EWSR1: variants seen among roughly 807,000 people sequenced by gnomAD.
The protein encoded by EWSR1 is EWS RNA binding protein 1.
In EWSR1, 14 loss-of-function variants were observed where a neutral mutation model predicts 92.1. The ratio of observed to expected loss-of-function variants is 0.15; its 90% confidence interval spans 0.10 to 0.24. EWSR1 has a LOEUF of 0.24. EWSR1 is among the 10% of genes least tolerant of loss of function. EWSR1 has a pLI of 1.00. For missense variants in EWSR1, 637 were observed against 870.9 expected, an observed-to-expected ratio of 0.73 and a Z score of 3.38; for synonymous variants, 303 against 292.9, an observed-to-expected ratio of 1.03 and a Z score of -0.35.
At chr22:29,284,270 G>A (rs1262082251) in intron 6 of EWSR1, among the ~76,000 whole-genome samples, 1 of 151,476 alleles carries the variant, frequency 6.6e-6, no homozygotes, top group African/African-American at 2.5e-5. Context: ...GAGCCACCAT[G>A]CCCAGCCTGC....
intron 5 of EWSR1, 55 bp from the exon 6 acceptor site, chr22:29,282,335 A>T: frequency 7.0e-7 from 1 of 1,438,572 alleles, no homozygotes; most frequent in Admixed American, 2.7e-5. Flanking sequence ...TTTGTGGTTG[A>T]CCAACCACAC....
intron 8 of EWSR1, chr22:29,289,663 T>A (rs543330835): frequency 1.2e-3 from 280 of 232,664 alleles, no homozygotes; most frequent in African/African-American, 5.6e-3. Context: ...TGTTAGATAT[T>A]TACATTTGAT....
intron 1 of EWSR1, among the ~76,000 whole-genome samples, chr22:29,268,824 A>G (rs1027002148): frequency 1.3e-5 from 2 of 152,184 alleles, no homozygotes; most frequent in Admixed American, 6.5e-5. Flanking sequence ...AAATAAAGAT[A>G]CCGTGGATTT....
intron 8 of EWSR1, chr22:29,289,701 T>G: frequency 4.3e-6 from 1 of 232,592 alleles, no homozygotes; most frequent in East Asian, 6.1e-5. Flanking sequence ...AAGGAAAAAT[T>G]AAATAGCATT....
At chr22:29,297,741 A>G (rs2060978472) in intron 12 of EWSR1, 86 bp from the exon 13 acceptor site, 1 of 1,554,404 alleles carries the variant, frequency 6.4e-7, no homozygotes, top group Non-Finnish European at 8.8e-7. Flanking sequence ...GACCTAATGC[A>G]TCTGGGAGTG....
chr22:29,276,925 A>C (rs1602253573), intron 4 of EWSR1: 2 of 231,770 alleles, frequency 8.6e-6, no homozygotes, highest in East Asian at 1.2e-4. Flanking sequence ...GTGTAAACCA[A>C]ACTTTTTATT....
rs192031911 is a variant in EWSR1, at chr22:29,298,698, A to G, written c.1418-35A>G. On this transcript the variant is annotated intron_variant, in intron 13 of 16. Coordinates refer to ENST00000397938, the MANE Select transcript of EWSR1 (RefSeq NM_005243.4). ...CTATAGCAAATTTGGTGCTACAGAG[A>G]AATGATTTGCTGTTTCTTGTTGTTC... The G allele has an allele frequency of 1.1e-3, 1,700 of 1,611,870 alleles. 8 individuals are homozygous for G. In the Middle Eastern group the frequency reaches 0.012, roughly 11 times the overall value.
rs756570103 is a variant in EWSR1, at chr22:29,298,907, T to C, written c.1580+12T>C. On this transcript the variant is annotated intron_variant, in intron 14 of 16. Coordinates refer to ENST00000397938, the MANE Select transcript of EWSR1 (RefSeq NM_005243.4). ...CAGTGTCCCAATCCGTATGTACTTG[T>C]CTTGGCAAATTGATACCCTACGAGT... is the stretch of plus-strand genomic sequence containing the variant. 1.0e-5 allele frequency: 16 copies of C among 1,531,742 alleles called. No homozygotes were observed. Among genetic ancestry groups the C allele is most frequent in the East Asian group, 4.5e-5 (2 of 44,330 alleles). The allele number at this position is 1,531,742 out of a possible 1,614,324, so 94.9% of individuals were successfully genotyped here.
chr22:29,298,070 C>G (rs887836023), intron 13 of EWSR1, 121 bp downstream of exon 13: 2 of 1,096,706 alleles, frequency 1.8e-6, no homozygotes, highest in Non-Finnish European at 1.3e-6. Context: ...ACTAGACTAT[C>G]GAGAGCTAAC....
At chr22:29,296,110 C>T (rs756341254) in intron 11 of EWSR1, 129 bp from the exon 12 acceptor site, 48 of 920,444 alleles carry the variant, frequency 5.2e-5, no homozygotes, top group Non-Finnish European at 6.8e-5. Flanking sequence ...AACTTAAAAG[C>T]GGAGAAACGG....
At chr22:29,280,862 G>GTTTTTTTTTTTTTTT (rs71196650) in intron 5 of EWSR1, among the ~76,000 whole-genome samples, 1 of 62,902 alleles carries the variant, frequency 1.6e-5, no homozygotes, top group Non-Finnish European at 3.1e-5. Flanking sequence ...TGTGTGTGTT[G>GTTTTTTTTTTTTTTT]TTTTTTTTTT....
chr22:29,272,746 G>A (rs2058780210), intron 3 of EWSR1, among the ~76,000 whole-genome samples: 1 of 152,192 alleles, frequency 6.6e-6, no homozygotes, highest in Non-Finnish European at 1.5e-5. Flanking sequence ...ATTCTGCAAA[G>A]GAAGAGGATG....
intron 8 of EWSR1, chr22:29,291,256 A>G: frequency 2.9e-6 from 1 of 345,422 alleles, no homozygotes; most frequent in East Asian, 4.2e-5. Flanking sequence ...CTGGTTTTTC[A>G]CCTGACGGGG....
chr22:29,298,430 T>G (rs1454024814), intron 13 of EWSR1, among the ~76,000 whole-genome samples: 2 of 146,038 alleles, frequency 1.4e-5, no homozygotes, highest in African/African-American at 2.6e-5. Context: ...TGTTTGAATC[T>G]GGGGGGGTGG....
intron 6 of EWSR1, among the ~76,000 whole-genome samples, chr22:29,284,101 T>C (rs1358460969): frequency 6.6e-6 from 1 of 151,322 alleles, no homozygotes; most frequent in Non-Finnish European, 1.5e-5. Context: ...CCCAAAGTGC[T>C]GGGAATACAG....
chr22:29,297,720 G>T, intron 12 of EWSR1, 107 bp from the exon 13 acceptor site: 2 of 1,433,706 alleles, frequency 1.4e-6, no homozygotes, highest in East Asian at 2.3e-5. Flanking sequence ...TCTTAGAGAA[G>T]ATTACAGGCA....
chr22:29,277,842 C>T (rs2059240014), intron 4 of EWSR1, 188 bp from the exon 5 acceptor site: 4 of 559,656 alleles, frequency 7.1e-6, no homozygotes, highest in Non-Finnish European at 1.3e-5. Context: ...TTACCAAAAA[C>T]TAGGTACATT....
At chr22:29,290,919 C>G (rs1378967040) in intron 8 of EWSR1, 1 of 242,608 alleles carries the variant, frequency 4.1e-6, no homozygotes, top group East Asian at 5.9e-5. Flanking sequence ...AGTCATTATT[C>G]TAACTGATAT....
intron 1 of EWSR1, 84 bp downstream of exon 1, chr22:29,268,433 A>T (rs529315731): frequency 6.2e-7 from 1 of 1,612,090 alleles, no homozygotes; most frequent in Non-Finnish European, 8.5e-7. Flanking sequence ...TTGGCTGGGA[A>T]GACTGAGTGG....
Sources: allele counts gnomAD v4.1 joint callset (sites outside exome capture counted in the v4.1 genomes callset), GRCh38; gene constraint gnomAD v4.1.1; transcripts MANE v1.5; gene names NCBI Gene and HGNC (gene_info 2026-07-23, HGNC 2026-07-21).